FANCC: variants seen among roughly 807,000 people sequenced by gnomAD.
The protein encoded by FANCC is FA complementation group C, also known as Fanconi anemia group C protein.
Under a neutral mutation model 71.3 loss-of-function variants are expected in FANCC, and 55 were observed. The observed-to-expected ratio is 0.77, with a 90% CI of 0.62 to 0.97. The LOEUF (loss-of-function observed/expected upper bound fraction) is 0.97, where lower values mean the gene tolerates loss of function less well. FANCC is among the 50% of genes least tolerant of loss of function. FANCC has a pLI of 0.00. For missense variants in FANCC, 678 were observed against 670.9 expected, an observed-to-expected ratio of 1.01 and a Z score of -0.12; for synonymous variants, 275 against 244.9, an observed-to-expected ratio of 1.12 and a Z score of -1.15.
chr9:95,103,797 G>A (rs1323491856), intron 14 of FANCC, among the ~76,000 whole-genome samples: 1 of 152,378 alleles, frequency 6.6e-6, no homozygotes, highest in East Asian at 1.9e-4. Flanking sequence ...AGGCCACACA[G>A]GAGGCAGGCT....
intron 14 of FANCC, among the ~76,000 whole-genome samples, chr9:95,104,269 A>T (rs1203973086): frequency 6.6e-6 from 1 of 152,224 alleles, no homozygotes; most frequent in Non-Finnish European, 1.5e-5. Flanking sequence ...AACATCCGAA[A>T]GGACAGCCCC....
rs118178702 is a variant in FANCC, at chr9:95,262,457, A to G, written c.-78-13088T>C. Among the ~76,000 whole-genome samples, 510 of 152,312 alleles carry G rather than the reference A, an allele frequency of 3.3e-3. 9 individuals carry two copies. The East Asian group carries it at 0.044, about 13-fold the overall frequency. On this transcript the variant is annotated intron_variant, in intron 1 of 14. Transcript: ENST00000289081. ...TCTCCCTTCACTTAGAACGGCTACTATCAAGAAAACAACGACAAGTGTTGA... is the reference window on the plus strand; with the variant it reads ...TCTCCCTTCACTTAGAACGGCTACTGTCAAGAAAACAACGACAAGTGTTGA...
intron 6 of FANCC, among the ~76,000 whole-genome samples, chr9:95,164,294 C>A (rs1220559847): frequency 6.6e-6 from 1 of 152,020 alleles, no homozygotes; most frequent in Non-Finnish European, 1.5e-5. Flanking sequence ...TTTTTCTTGC[C>A]CAATTCCTCT....
chr9:95,173,632 G>A (rs1825828772), intron 4 of FANCC, among the ~76,000 whole-genome samples: 1 of 152,124 alleles, frequency 6.6e-6, no homozygotes, highest in Non-Finnish European at 1.5e-5. Flanking sequence ...TGTTTACAAA[G>A]GGGCCAGGCA....
intron 4 of FANCC, among the ~76,000 whole-genome samples, chr9:95,214,476 G>A (rs1454140888): frequency 6.6e-6 from 1 of 152,056 alleles, no homozygotes; most frequent in Non-Finnish European, 1.5e-5. Flanking sequence ...AGAATTACCA[G>A]ATGATCCAGC....
In FANCC at chr9:95,149,933, C is replaced by T; in HGVS notation, c.676G>A (p.Ala226Thr). 1 of 1,603,402 alleles carries T rather than the reference C, an allele frequency of 6.2e-7. No homozygotes were observed. The highest frequency in any genetic ancestry group is 1.1e-5 in the South Asian group (1 of 88,942). ...ACATTTGCCACTTACAGCAAAATGG[C>T]CTCGTTTACAGCCTCAAAGAACTCT... ...QPEFFEAVNEAILLKKISLPM... is the reference protein window; with the variant it reads ...QPEFFEAVNETILLKKISLPM... Residue 226 changes from alanine (A) to threonine (T), a missense_variant, in exon 7 of 15, where the codon GCC becomes ACC. Transcript: ENST00000289081.
chr9:95,135,284 A>T lies in FANCC; in HGVS notation c.843+62T>A. On this transcript the variant is annotated intron_variant, in intron 8 of 14. Transcript: ENST00000289081. ...ATCCCCCCCTTTCATTCTCTGACTA[A>T]AAGAAATGATTCCAAGCATCTCCTT... 3 of 1,527,504 alleles carry T rather than the reference A, an allele frequency of 2.0e-6. No homozygotes were observed. In the South Asian group the frequency reaches 3.4e-5, roughly 17 times the overall value. The allele number at this position is 1,527,504 out of a possible 1,614,324, so 94.6% of individuals were successfully genotyped here. A position where few individuals can be genotyped will look rare whatever the true frequency, so the allele number is the denominator to read the frequency against.
intron 14 of FANCC, among the ~76,000 whole-genome samples, chr9:95,102,296 C>A (rs1391373247): frequency 6.6e-6 from 1 of 152,176 alleles, no homozygotes; most frequent in Non-Finnish European, 1.5e-5. Flanking sequence ...AGAAACAGCC[C>A]CTGGCATCCC....
chr9:95,207,918 A>T (rs191228844), intron 4 of FANCC, among the ~76,000 whole-genome samples: 85 of 152,180 alleles, frequency 5.6e-4, no homozygotes, highest in African/African-American at 2.0e-3. Flanking sequence ...AATTTTAATA[A>T]TACAGACTAG....
chr9:95,282,445 A>G (rs1199006142), intron 1 of FANCC, among the ~76,000 whole-genome samples: 3 of 152,168 alleles, frequency 2.0e-5, no homozygotes, highest in African/African-American at 7.2e-5. Flanking sequence ...GCCAATATTA[A>G]TAGATCTCAA....
At chr9:95,230,746 C>T (rs544442277) in intron 4 of FANCC, among the ~76,000 whole-genome samples, 4 of 152,106 alleles carry the variant, frequency 2.6e-5, no homozygotes, top group South Asian at 4.2e-4. Flanking sequence ...GTGTGGAAGG[C>T]GACCCAAGTG....
chr9:95,173,222 G>A (rs1005552185), intron 4 of FANCC, among the ~76,000 whole-genome samples: 4 of 152,070 alleles, frequency 2.6e-5, no homozygotes, highest in South Asian at 2.1e-4. Context: ...TGAGCTCCTG[G>A]AGGAATAGAA....
At chr9:95,204,325 T>C (rs1371185621) in intron 4 of FANCC, among the ~76,000 whole-genome samples, 3 of 152,202 alleles carry the variant, frequency 2.0e-5, no homozygotes, top group South Asian at 2.1e-4. Flanking sequence ...TTCATCTATA[T>C]AGACCCATGG....
intron 8 of FANCC, among the ~76,000 whole-genome samples, chr9:95,129,573 CT>C (rs1227412417): frequency 3.9e-5 from 6 of 152,180 alleles, no homozygotes; most frequent in Non-Finnish European, 8.8e-5. Flanking sequence ...CGGCCATTAT[CT>C]TTTCTATAAA....
At chr9:95,124,843 A>G (rs1445913923) in intron 10 of FANCC, among the ~76,000 whole-genome samples, 4 of 152,226 alleles carry the variant, frequency 2.6e-5, no homozygotes, top group African/African-American at 9.6e-5. Flanking sequence ...GCATGCTGGC[A>G]TGACAGAGTT....
chr9:95,300,956 CAG>C (rs1377643679), intron 1 of FANCC, among the ~76,000 whole-genome samples: 4 of 152,062 alleles, frequency 2.6e-5, no homozygotes, highest in East Asian at 3.9e-4. Flanking sequence ...AGAAATAAGA[CAG>C]GGGAGGATGA....
At chr9:95,307,100 G>A (rs1051583998) in intron 1 of FANCC, among the ~76,000 whole-genome samples, 4 of 152,070 alleles carry the variant, frequency 2.6e-5, no homozygotes, top group African/African-American at 7.2e-5. Flanking sequence ...GCCCAGGCTC[G>A]TCCTGAACTT....
At chr9:95,113,157 G>A (rs2072094458) in intron 12 of FANCC, among the ~76,000 whole-genome samples, 2 of 152,180 alleles carry the variant, frequency 1.3e-5, no homozygotes, top group African/African-American at 4.8e-5. Context: ...CAACCCCGCA[G>A]CCTCCATTGG....
At position 95,273,892 on chromosome 9, in the gene FANCC, G is replaced by A. The variant is rs530669606; in HGVS notation, c.-78-24523C>T. Among the ~76,000 whole-genome samples the A allele has an allele frequency of 1.9e-4, 29 of 152,252 alleles. No individual in the cohort carries two copies. In the South Asian group the frequency reaches 5.8e-3, roughly 30 times the overall value. ...AGGGTGTAGCAAAGAGGAAATGATT[G>A]GCATATGCATAGAGGAACTCAAGAG... On this transcript the variant is annotated intron_variant, in intron 1 of 14. Coordinates refer to ENST00000289081, the MANE Select transcript of FANCC (RefSeq NM_000136.3).
Sources: allele counts gnomAD v4.1 joint callset (sites outside exome capture counted in the v4.1 genomes callset), GRCh38; gene constraint gnomAD v4.1.1; transcripts MANE v1.5; gene names NCBI Gene and HGNC (gene_info 2026-07-23, HGNC 2026-07-21).